The following HMGCLL1 variants were observed in gnomAD, a reference collection of about 807,000 sequenced individuals.
HMGCLL1 encodes 3-hydroxymethyl-3-methylglutaryl-CoA lyase, cytoplasmic.
HMGCLL1 carries 36 observed loss-of-function variants against 39.1 expected under a neutral mutation model. The observed-to-expected ratio is 0.92, with a 90% CI of 0.71 to 1.22. HMGCLL1 has a LOEUF of 1.22. HMGCLL1 is among the 50% of genes most tolerant of loss of function. The pLI, the probability that HMGCLL1 is intolerant of heterozygous loss-of-function variation, is 0.00. For missense variants in HMGCLL1, 451 were observed against 416.5 expected (o/e 1.08, Z -0.72); for synonymous variants, 149 against 144.0 (o/e 1.03, Z -0.25).
chr6:55,515,921 C>T (rs1008521437), intron 4 of HMGCLL1, among the ~76,000 whole-genome samples: 2 of 151,902 alleles, frequency 1.3e-5, no homozygotes, highest in Admixed American at 1.3e-4. Context: ...ATGCAATAAG[C>T]CCATATACGG....
intron 8 of HMGCLL1, 25 bp from the exon 9 acceptor site, chr6:55,435,788 A>G (rs1246548525): frequency 3.3e-6 from 4 of 1,210,716 alleles, no homozygotes; most frequent in East Asian, 5.0e-5. Context: ...AAGGAATATC[A>G]GGAAGGCAGA....
At chr6:55,618,973 G>C in the HMGCLL1 span, among the ~76,000 whole-genome samples, 3 of 152,010 alleles carry the variant, frequency 2.0e-5, no homozygotes, top group Non-Finnish European at 4.4e-5. Flanking sequence ...TTCTTAGGAA[G>C]TTACTAAAGG....
At chr6:55,452,779 G>A (rs949866956) in intron 7 of HMGCLL1, among the ~76,000 whole-genome samples, 23 of 151,886 alleles carry the variant, frequency 1.5e-4, no homozygotes, top group African/African-American at 5.1e-4. Context: ...TTTTGTTTAC[G>A]GTAGCCTGAG....
At chr6:55,595,468 T>G in the HMGCLL1 span, among the ~76,000 whole-genome samples, 1 of 152,196 alleles carries the variant, frequency 6.6e-6, no homozygotes, top group African/African-American at 2.4e-5. Context: ...GCAGTTCAGC[T>G]AATGACAATA....
At chr6:55,627,913 A>ATATATAT in the HMGCLL1 span, among the ~76,000 whole-genome samples, 2 of 1,178 alleles carry the variant, frequency 1.7e-3, no homozygotes, top group Non-Finnish European at 3.3e-3. Flanking sequence ...TATATACTAT[A>ATATATAT]TATATATAAT....
intron 3 of HMGCLL1, among the ~76,000 whole-genome samples, chr6:55,525,875 A>G (rs1295721014): frequency 1.3e-5 from 2 of 151,804 alleles, no homozygotes; most frequent in South Asian, 2.1e-4. Flanking sequence ...ACCCACATAG[A>G]CCCTACAAAA....
At chr6:55,614,828 A>G in the HMGCLL1 span, among the ~76,000 whole-genome samples, 2,016 of 152,264 alleles carry the variant, frequency 0.013, 19 homozygotes, top group Non-Finnish European at 0.019. Context: ...AACAGCAACA[A>G]TATTCTGACA....
chr6:55,584,768 T>C, the HMGCLL1 span, among the ~76,000 whole-genome samples: 2 of 152,062 alleles, frequency 1.3e-5, no homozygotes, highest in Non-Finnish European at 2.9e-5. Flanking sequence ...GAAGTTCTTA[T>C]AGTAACAAAT....
At chr6:55,629,046 C>T in the HMGCLL1 span, among the ~76,000 whole-genome samples, 1,195 of 152,194 alleles carry the variant, frequency 7.9e-3, 12 homozygotes, top group East Asian at 0.034. Context: ...TACCTAAAAA[C>T]GTGGAAGCGA....
At chr6:55,617,150 C>A in the HMGCLL1 span, among the ~76,000 whole-genome samples, 1 of 152,002 alleles carries the variant, frequency 6.6e-6, no homozygotes, top group African/African-American at 2.4e-5. Flanking sequence ...ACAAAAAAAA[C>A]CCTAAAGTTT....
intron 1 of HMGCLL1, among the ~76,000 whole-genome samples, chr6:55,575,942 G>A (rs1771740601): frequency 6.6e-6 from 1 of 152,084 alleles, no homozygotes; most frequent in South Asian, 2.1e-4. Context: ...GTCTTCATGG[G>A]CATGTGATGC....
chr6:55,636,209 T>A, the HMGCLL1 span, among the ~76,000 whole-genome samples: 4 of 152,242 alleles, frequency 2.6e-5, no homozygotes, highest in African/African-American at 9.6e-5. Flanking sequence ...AAGGAATGAT[T>A]AAAAACATTT....
chr6:55,577,858 C>T (rs1771835167), intron 1 of HMGCLL1, among the ~76,000 whole-genome samples: 1 of 152,162 alleles, frequency 6.6e-6, no homozygotes, highest in African/African-American at 2.4e-5. Context: ...TTCACCTCTA[C>T]CACTGTCATC....
At chr6:55,648,016 G>A in the HMGCLL1 span, among the ~76,000 whole-genome samples, 90 of 121,714 alleles carry the variant, frequency 7.4e-4, 1 homozygote, top group Non-Finnish European at 9.3e-4. Flanking sequence ...GAGAATATGC[G>A]GTGTTTGGTT....
chr6:55,517,219 A>G (rs1767787717), intron 3 of HMGCLL1, among the ~76,000 whole-genome samples: 1 of 152,026 alleles, frequency 6.6e-6, no homozygotes, highest in South Asian at 2.1e-4. Flanking sequence ...AATTTAACCT[A>G]CCCTGTCAAC....
rs1268394295 is a variant in HMGCLL1, at chr6:55,576,971, C to T, written c.108+1977G>A. The T allele has an allele frequency of 1.4e-5, 21 of 1,450,738 alleles. No homozygotes were observed. In the East Asian group the frequency reaches 4.9e-4, roughly 34 times the overall value. The allele number at this position is 1,450,738 out of a possible 1,614,324, so 89.9% of individuals were successfully genotyped here. A position where few individuals can be genotyped will look rare whatever the true frequency, so the allele number is the denominator to read the frequency against. On this transcript the variant is annotated intron_variant, in intron 1 of 8. Coordinates refer to ENST00000274901, the MANE Select transcript of HMGCLL1 (RefSeq NM_001042406.2). ...TCAAGAGAAATAGGGGAATGTAAGT[C>T]TAGAAAACACTGGTACACAAACAGT...
At chr6:55,509,994 T>G (rs943980531) in intron 5 of HMGCLL1, among the ~76,000 whole-genome samples, 3 of 151,948 alleles carry the variant, frequency 2.0e-5, no homozygotes, top group Non-Finnish European at 2.9e-5. Context: ...TTATCACACC[T>G]GACAATTGTC....
chr6:55,480,822 T>A (rs1049170801), intron 7 of HMGCLL1, among the ~76,000 whole-genome samples: 17 of 148,226 alleles, frequency 1.1e-4, no homozygotes, highest in Non-Finnish European at 5.9e-5. Context: ...GAGATCCCGT[T>A]ATTTGCAACG....
chr6:55,451,272 T>G (rs1416806103), intron 7 of HMGCLL1, among the ~76,000 whole-genome samples: 1 of 152,178 alleles, frequency 6.6e-6, no homozygotes. Context: ...AATGATTGAT[T>G]GATTTAAAAT....
Sources: allele counts gnomAD v4.1 joint callset (sites outside exome capture counted in the v4.1 genomes callset), GRCh38; gene constraint gnomAD v4.1.1; transcripts MANE v1.5; gene names NCBI Gene and HGNC (gene_info 2026-07-23, HGNC 2026-07-21).